The following ADGRV1 variants were observed in gnomAD, a reference collection of about 807,000 sequenced individuals.
The protein encoded by ADGRV1 is adhesion G protein-coupled receptor V1.
ADGRV1 carries 359 observed loss-of-function variants against 596.2 expected under a neutral mutation model. The observed-to-expected ratio is 0.60, with a 90% CI of 0.55 to 0.66. The LOEUF (loss-of-function observed/expected upper bound fraction) is 0.66. ADGRV1 is among the 30% of genes least tolerant of loss of function. The pLI is 0.00. For missense variants in ADGRV1, 7,274 were observed against 7,575.6 expected, an observed-to-expected ratio of 0.96 and a Z score of 1.48; for synonymous variants, 2,681 against 2,679.2, an observed-to-expected ratio of 1.00 and a Z score of -0.02.
chr5:90,745,004 G>A, intron 50 of ADGRV1, 42 bp from the exon 51 acceptor site: 2 of 1,445,062 alleles, frequency 1.4e-6, no homozygotes, highest in East Asian at 2.3e-5. Context: ...GGAGGTGACA[G>A]TTTATATCTC....
chr5:90,663,988 C>T (rs1432084115), intron 21 of ADGRV1, among the ~76,000 whole-genome samples: 1 of 145,072 alleles, frequency 6.9e-6, no homozygotes, highest in African/African-American at 2.6e-5. Context: ...GTTTTGGTAC[C>T]AGTACCATGC....
At chr5:91,155,996 CA>C (rs1796448480) in intron 89 of ADGRV1, among the ~76,000 whole-genome samples, 1 of 152,142 alleles carries the variant, frequency 6.6e-6, no homozygotes, top group South Asian at 2.1e-4. Context: ...GACAATCTTC[CA>C]AAGCTCATGC....
At chr5:91,021,921 A>G (rs1305371914) in intron 85 of ADGRV1, among the ~76,000 whole-genome samples, 1 of 152,080 alleles carries the variant, frequency 6.6e-6, no homozygotes. Context: ...GAAACAGCCA[A>G]TGACTGTCAG....
intron 71 of ADGRV1, chr5:90,804,780 A>G (rs1761743244): frequency 6.6e-6 from 1 of 152,150 alleles, no homozygotes; most frequent in Non-Finnish European, 1.5e-5. Flanking sequence ...TGTGATAAAG[A>G]TGGGTATTAA....
chr5:91,024,670 C>T (rs1783884369), intron 85 of ADGRV1, among the ~76,000 whole-genome samples: 1 of 152,118 alleles, frequency 6.6e-6, no homozygotes, highest in Admixed American at 6.6e-5. Context: ...AAAAAAGTTA[C>T]TTTGTTCTCT....
chr5:90,687,550 G>A (rs534152813), intron 29 of ADGRV1, among the ~76,000 whole-genome samples: 1 of 152,284 alleles, frequency 6.6e-6, no homozygotes, highest in Non-Finnish European at 1.5e-5. Flanking sequence ...TCTGGCCAGG[G>A]CAATTAGGCA....
rs1451183455 is a variant in ADGRV1, at chr5:90,646,046, G to A, written c.2977G>A (p.Ala993Thr). Residue 993 changes from alanine (A) to threonine (T), a missense_variant, in exon 16 of 90, where the codon GCA (alanine) becomes ACA (threonine). Around this residue, in one of 5 missense-constraint regions of ADGRV1, gnomAD observed 1,715 missense variants for 1,708.8 expected, o/e 1.00. Transcript: ENST00000405460. ...AGCTAAAGTGGGAAATAGAACAACT[G>A]CAACTCTGAGGATTAGAAGAAATGA... ...GGAKVGNRTT[A>T]TLRIRRNDDP... 1.9e-6 allele frequency: 3 copies of A among 1,602,196 alleles called. No homozygotes were observed. The South Asian group carries it at 3.4e-5, about 18-fold the overall frequency.
chr5:91,100,584 C>A (rs935555368), intron 86 of ADGRV1, among the ~76,000 whole-genome samples: 2 of 152,102 alleles, frequency 1.3e-5, no homozygotes, highest in Admixed American at 6.6e-5. Context: ...TATTAGTCTA[C>A]ATTAGAAGAT....
At chr5:90,894,921 C>T (rs1771160260) in intron 83 of ADGRV1, among the ~76,000 whole-genome samples, 1 of 151,958 alleles carries the variant, frequency 6.6e-6, no homozygotes, top group Non-Finnish European at 1.5e-5. Flanking sequence ...TATTAAGTTT[C>T]TCTTTTCTTT....
intron 85 of ADGRV1, among the ~76,000 whole-genome samples, chr5:90,999,130 G>C (rs571792330): frequency 1.3e-5 from 2 of 151,944 alleles, no homozygotes; most frequent in South Asian, 4.2e-4. Context: ...TTCTTTTGGA[G>C]GTGAGGTGGG....
intron 83 of ADGRV1, among the ~76,000 whole-genome samples, chr5:90,905,514 T>A (rs1379794394): frequency 1.3e-5 from 2 of 152,050 alleles, no homozygotes; most frequent in Non-Finnish European, 2.9e-5. Flanking sequence ...GGATTACTTT[T>A]GTGTTTCTTT....
intron 20 of ADGRV1, chr5:90,655,420 A>T (rs1387931297): frequency 6.6e-6 from 1 of 152,162 alleles, no homozygotes; most frequent in East Asian, 1.9e-4. Context: ...ACTGTAACAC[A>T]ATTTATTTAT....
At chr5:90,994,106 G>C (rs1781210715) in intron 85 of ADGRV1, among the ~76,000 whole-genome samples, 1 of 149,062 alleles carries the variant, frequency 6.7e-6, no homozygotes, top group South Asian at 2.1e-4. Flanking sequence ...CATCCAGGCT[G>C]GACTGGAGTG....
intron 85 of ADGRV1, among the ~76,000 whole-genome samples, chr5:91,025,933 G>A (rs1783987388): frequency 6.6e-6 from 1 of 152,154 alleles, no homozygotes; most frequent in Non-Finnish European, 1.5e-5. Flanking sequence ...GTTAGGCACA[G>A]TTTATTGCTG....
At chr5:91,098,815 A>G (rs1237239276) in intron 86 of ADGRV1, among the ~76,000 whole-genome samples, 2 of 152,162 alleles carry the variant, frequency 1.3e-5, no homozygotes, top group African/African-American at 4.8e-5. Flanking sequence ...CCAAACTTTG[A>G]AAATTGGTTC....
At position 90,622,589 on chromosome 5, in the gene ADGRV1, C is replaced by G; in HGVS notation, c.454-8C>G. On this transcript the variant is annotated splice_polypyrimidine_tract_variant and splice_region_variant and intron_variant, in intron 4 of 89. Coordinates refer to ENST00000405460, the MANE Select transcript of ADGRV1 (RefSeq NM_032119.4). Reference sequence around the variant, plus strand: ...CTCCTGATCATCTGTGCTTGCTTTCCTCAATAGCTTCCCTCAATCGCAGTG... The same window carrying G: ...CTCCTGATCATCTGTGCTTGCTTTCGTCAATAGCTTCCCTCAATCGCAGTG... 7.2e-7 allele frequency: 1 copy of G among 1,392,482 alleles called. No individual in the cohort carries two copies. The highest frequency in any genetic ancestry group is 9.5e-7 in the Non-Finnish European group (1 of 1,054,706). 86.3% of individuals were successfully genotyped at this position (1,392,482 alleles called of 1,614,324 possible).
intron 39 of ADGRV1, 57 bp from the exon 40 acceptor site, chr5:90,710,921 TATC>T (rs1749251796): frequency 1.0e-6 from 1 of 979,916 alleles, no homozygotes. Flanking sequence ...TTAAATCCTA[TATC>T]AAAAATATTT....
intron 21 of ADGRV1, among the ~76,000 whole-genome samples, chr5:90,667,725 T>TC (rs1045033066): frequency 3.3e-5 from 5 of 152,202 alleles, no homozygotes; most frequent in African/African-American, 1.2e-4. Flanking sequence ...TTCTGTTTTT[T>TC]CCCCATCTTT....
At chr5:90,844,722 C>CAAAAG (rs1765716300) in intron 78 of ADGRV1, among the ~76,000 whole-genome samples, 1 of 152,150 alleles carries the variant, frequency 6.6e-6, no homozygotes. Context: ...TGAAAGAGCA[C>CAAAAG]AGGAATAATT....
Sources: gnomAD v4.1 joint callset for allele counts (sites outside exome capture counted in the v4.1 genomes callset) on GRCh38, gnomAD v4.1.1 for gene constraint, gnomAD v4.1.1 regional missense constraint, MANE v1.5 for transcripts, NCBI Gene and HGNC (gene_info 2026-07-23, HGNC 2026-07-21) for gene names.